Variants in HCRTR2 observed in about 807,000 individuals in gnomAD.
HCRTR2 encodes the protein hypocretin receptor 2.
HCRTR2 carries 22 observed loss-of-function variants against 49.0 expected under a neutral mutation model. The observed-to-expected ratio is 0.45, with a 90% confidence interval of 0.32 to 0.64. The LOEUF (loss-of-function observed/expected upper bound fraction) is 0.64. HCRTR2 is among the 30% of genes least tolerant of loss of function. The pLI, the probability that HCRTR2 is intolerant of heterozygous loss-of-function variation, is 0.04. For synonymous variants in HCRTR2, 236 were observed against 205.3 expected, an observed-to-expected ratio of 1.15 and a Z score of -1.28; for missense variants, 491 against 559.4, an observed-to-expected ratio of 0.88 and a Z score of 1.23.
At chr6:55,283,522 G>A (rs1297156141), downstream of HCRTR2, among the ~76,000 whole-genome samples, 1 of 152,054 alleles carries the variant, frequency 6.6e-6, no homozygotes, top group African/African-American at 2.4e-5. Context: ...AAATAGAGGG[G>A]CTTGCTCTTA....
chr6:55,174,819 CCTCCCGGG>C lies in HCRTR2; in HGVS notation c.223+11_223+18del. 6.2e-7 allele frequency: 1 copy of C among 1,611,112 alleles called. No homozygotes were observed. The highest frequency in any genetic ancestry group is 8.5e-7 in the Non-Finnish European group (1 of 1,177,356). On this transcript the variant is annotated intron_variant, in intron 1 of 6. Coordinates refer to ENST00000370862, the MANE Select transcript of HCRTR2 (RefSeq NM_001384272.1). ...CATTGGGAACGTCCTGGGTGAGTCT[CCTCCCGGG>C]CAGCCCTCCTAGGGGCTATCACCCC...
At chr6:55,157,190 T>C (rs899296643) in intron 1 of HCRTR2, among the ~76,000 whole-genome samples, 1 of 152,106 alleles carries the variant, frequency 6.6e-6, no homozygotes, top group Non-Finnish European at 1.5e-5. Flanking sequence ...CAGGATACAA[T>C]ATCAATTCTC....
intron 1 of HCRTR2, among the ~76,000 whole-genome samples, chr6:55,142,290 G>T (rs1272703877): frequency 1.3e-5 from 2 of 151,684 alleles, no homozygotes; most frequent in East Asian, 3.9e-4. Flanking sequence ...TCCCTCTCCT[G>T]GGTTCAAGCC....
chr6:55,235,463 T>C (rs562744778), intron 1 of HCRTR2, among the ~76,000 whole-genome samples: 2 of 152,244 alleles, frequency 1.3e-5, no homozygotes, highest in Admixed American at 6.5e-5. Context: ...CTTTGGCATA[T>C]ATTTTTGTCC....
chr6:55,145,754 C>G (rs1764572770), intron 1 of HCRTR2, among the ~76,000 whole-genome samples: 1 of 151,894 alleles, frequency 6.6e-6, no homozygotes, highest in Non-Finnish European at 1.5e-5. Context: ...TACACTTTCT[C>G]CCCTCACATG....
At chr6:55,108,013 G>A (rs1763998618) in intron 1 of HCRTR2, among the ~76,000 whole-genome samples, 1 of 151,752 alleles carries the variant, frequency 6.6e-6, no homozygotes, top group Non-Finnish European at 1.5e-5. Flanking sequence ...ACTAAAATCA[G>A]AAAAGAAAAA....
chr6:55,151,218 G>A (rs972657596), intron 1 of HCRTR2, among the ~76,000 whole-genome samples: 5 of 151,892 alleles, frequency 3.3e-5, no homozygotes, highest in Non-Finnish European at 5.9e-5. Flanking sequence ...TAGCCACATC[G>A]ATTGACACTT....
chr6:55,180,761 A>T (rs9475192), intron 1 of HCRTR2, among the ~76,000 whole-genome samples: 2,274 of 152,254 alleles, frequency 0.015, 50 homozygotes, highest in African/African-American at 0.052. Context: ...TATTTAAACA[A>T]ATCATGTTGC....
At chr6:55,178,183 G>A (rs1307725979) in intron 1 of HCRTR2, among the ~76,000 whole-genome samples, 1 of 152,086 alleles carries the variant, frequency 6.6e-6, no homozygotes, top group Non-Finnish European at 1.5e-5. Context: ...AATGACAATT[G>A]TAGGGAGAAA....
rs1765012543 is a variant in HCRTR2 at position 55,174,908 on chromosome 6, A to G, written c.223+98A>G. 1.0e-5 allele frequency: 9 copies of G among 879,826 alleles called. No individual in the cohort carries two copies. The Admixed American group carries it at 1.7e-4, about 16-fold the overall frequency. 54.5% of individuals were successfully genotyped at this position (879,826 alleles called of 1,614,324 possible). On this transcript the variant is annotated intron_variant, in intron 1 of 6. Coordinates refer to ENST00000370862, the MANE Select transcript of HCRTR2 (RefSeq NM_001384272.1). ...GAGACCCCTCCCTCCCCCGGGAAGC[A>G]AACAAAGAGGTCGCTGCTCTCGGAT...
intron 1 of HCRTR2, among the ~76,000 whole-genome samples, chr6:55,163,850 A>G (rs1764840167): frequency 6.6e-6 from 1 of 152,098 alleles, no homozygotes; most frequent in African/African-American, 2.4e-5. Context: ...AACCTATAAA[A>G]TGGGAGAAAA....
intron 4 of HCRTR2, among the ~76,000 whole-genome samples, chr6:55,274,646 C>T (rs148808597): frequency 6.6e-6 from 1 of 151,878 alleles, no homozygotes; most frequent in Non-Finnish European, 1.5e-5. Context: ...TGAGAGAAGA[C>T]TTGATTTTTT....
chr6:55,187,096 T>C (rs957426278), intron 1 of HCRTR2, among the ~76,000 whole-genome samples: 1 of 151,604 alleles, frequency 6.6e-6, no homozygotes, highest in Non-Finnish European at 1.5e-5. Context: ...AATCAAAGTG[T>C]AACCTCACCC....
At chr6:55,203,059 C>A (rs1377079924) in intron 1 of HCRTR2, among the ~76,000 whole-genome samples, 1 of 152,156 alleles carries the variant, frequency 6.6e-6, no homozygotes, top group Non-Finnish European at 1.5e-5. Flanking sequence ...ATTCAGAGTT[C>A]TTCCAGTTTT....
At chr6:55,131,017 G>A (rs1370497866) in intron 1 of HCRTR2, among the ~76,000 whole-genome samples, 1 of 151,748 alleles carries the variant, frequency 6.6e-6, no homozygotes, top group Non-Finnish European at 1.5e-5. Flanking sequence ...GATTCCAAGT[G>A]GTGAGATTAA....
chr6:55,272,548 A>C (rs997587653), intron 4 of HCRTR2, among the ~76,000 whole-genome samples: 1 of 152,092 alleles, frequency 6.6e-6, no homozygotes, highest in Non-Finnish European at 1.5e-5. Flanking sequence ...TTCTTTTAAA[A>C]AGAAAGAACA....
At chr6:55,230,730 C>T (rs1366329539) in intron 1 of HCRTR2, among the ~76,000 whole-genome samples, 4 of 152,042 alleles carry the variant, frequency 2.6e-5, no homozygotes, top group African/African-American at 7.2e-5. Flanking sequence ...AAACTTGAAA[C>T]GTCGTCTTCC....
At chr6:55,264,625 C>G (rs533075492) in intron 4 of HCRTR2, among the ~76,000 whole-genome samples, 1 of 152,134 alleles carries the variant, frequency 6.6e-6, no homozygotes, top group Admixed American at 6.6e-5. Context: ...TAACATTTAA[C>G]TTAAACCTTG....
chr6:55,205,667 A>C (rs1033101278), intron 1 of HCRTR2, among the ~76,000 whole-genome samples: 1 of 151,822 alleles, frequency 6.6e-6, no homozygotes, highest in Non-Finnish European at 1.5e-5. Context: ...AGAAGGAGAA[A>C]TGGCAAGTGT....
Sources: allele counts gnomAD v4.1 joint callset (sites outside exome capture counted in the v4.1 genomes callset), GRCh38; gene constraint gnomAD v4.1.1; transcripts MANE v1.5; gene names NCBI Gene and HGNC (gene_info 2026-07-23, HGNC 2026-07-21).